Variants in DLG2 observed in about 807,000 individuals in gnomAD.
DLG2 encodes disks large homolog 2.
In DLG2, 45 loss-of-function variants were observed where a neutral mutation model predicts 132.5. The observed-to-expected ratio is 0.34, with a 90% CI of 0.27 to 0.44. The LOEUF is 0.44. Ranked by LOEUF, DLG2 falls within the 20% of genes least tolerant of loss-of-function variation. The pLI, the probability that DLG2 is intolerant of heterozygous loss-of-function variation, is 1.00. For missense variants in DLG2, 1,045 were observed against 1,196.9 expected (o/e 0.87, Z 1.87); for synonymous variants, 424 against 419.6 (o/e 1.01, Z -0.13).
At chr11:83,546,332 G>A (rs897003590) in intron 19 of DLG2, among the ~76,000 whole-genome samples, 95 of 152,108 alleles carry the variant, frequency 6.2e-4, no homozygotes, top group African/African-American at 2.2e-3. Flanking sequence ...AGACAGAGGA[G>A]AGCTGGGTTT....
chr11:85,060,667 A>C (rs982228368), intron 6 of DLG2, among the ~76,000 whole-genome samples: 2 of 151,758 alleles, frequency 1.3e-5, no homozygotes, highest in Admixed American at 6.6e-5. Flanking sequence ...TTTAAGATCC[A>C]CATTTCAAAT....
chr11:84,399,311 T>C (rs1373319218), intron 7 of DLG2, among the ~76,000 whole-genome samples: 1 of 152,200 alleles, frequency 6.6e-6, no homozygotes, highest in African/African-American at 2.4e-5. Context: ...TAGCCCTTTG[T>C]AGACACTTTC....
chr11:85,287,257 T>C (rs137886193), intron 3 of DLG2, among the ~76,000 whole-genome samples: 1 of 152,130 alleles, frequency 6.6e-6, no homozygotes, highest in African/African-American at 2.4e-5. Flanking sequence ...TGAAAGAAGA[T>C]AATTTCACAG....
chr11:84,529,599 T>C (rs2099330371), intron 7 of DLG2, among the ~76,000 whole-genome samples: 1 of 151,994 alleles, frequency 6.6e-6, no homozygotes. Flanking sequence ...AGGTAAAAGA[T>C]CTCTACAACA....
At chr11:85,468,192 T>G (rs1339681909) in intron 3 of DLG2, among the ~76,000 whole-genome samples, 2 of 152,148 alleles carry the variant, frequency 1.3e-5, no homozygotes, top group Non-Finnish European at 2.9e-5. Context: ...TCTATTTGAT[T>G]CTTCTCTCCT....
chr11:85,379,891 G>C (rs1411009598), intron 3 of DLG2, among the ~76,000 whole-genome samples: 1 of 151,984 alleles, frequency 6.6e-6, no homozygotes, highest in African/African-American at 2.4e-5. Flanking sequence ...TTCACTAGCT[G>C]TTTCTCTTTT....
rs565175843 is a variant in DLG2, at chr11:83,775,964, A to C, written c.1825+10726T>G. On this transcript the variant is annotated intron_variant, in intron 18 of 27. Coordinates refer to ENST00000376104, the MANE Select transcript of DLG2 (RefSeq NM_001142699.3). ...AAAATTAGCCAGGTGTGGTGGCAGG[A>C]GCCTGTAGTCCCAGCTACTCGGGAG... 1.1e-3 allele frequency among the ~76,000 whole-genome samples: 162 copies of C among 152,120 alleles called. 4 individuals carry two copies. The East Asian group carries it at 0.028, about 26-fold the overall frequency.
At chr11:83,466,107 T>G (rs1182342991) in intron 26 of DLG2, among the ~76,000 whole-genome samples, 2 of 152,188 alleles carry the variant, frequency 1.3e-5, no homozygotes, top group Non-Finnish European at 2.9e-5. Context: ...GTTACAGATG[T>G]TTTACTGCCA....
chr11:85,297,386 TTCTC>T (rs1157187648), intron 3 of DLG2, among the ~76,000 whole-genome samples: 1 of 152,012 alleles, frequency 6.6e-6, no homozygotes, highest in Non-Finnish European at 1.5e-5. Flanking sequence ...AGCTTTGTAG[TTCTC>T]TCTTAGACTG....
intron 6 of DLG2, among the ~76,000 whole-genome samples, chr11:84,768,675 T>C (rs1214650918): frequency 1.3e-5 from 2 of 152,022 alleles, no homozygotes; most frequent in African/African-American, 2.4e-5. Flanking sequence ...AGTAGGCATA[T>C]CTATAAACCC....
chr11:84,539,530 T>C (rs911186871), intron 6 of DLG2, among the ~76,000 whole-genome samples: 1 of 152,202 alleles, frequency 6.6e-6, no homozygotes, highest in Non-Finnish European at 1.5e-5. Context: ...TGTGCTTTCT[T>C]CTTTTTCTCT....
chr11:85,619,758 C>A (rs1408341480), intron 2 of DLG2, among the ~76,000 whole-genome samples: 1 of 151,892 alleles, frequency 6.6e-6, no homozygotes, highest in East Asian at 1.9e-4. Context: ...CGCCTGAACC[C>A]AGGAGGTGGA....
intron 18 of DLG2, among the ~76,000 whole-genome samples, chr11:83,690,309 T>C (rs1011498837): frequency 2.0e-5 from 3 of 151,316 alleles, no homozygotes; most frequent in Non-Finnish European, 4.4e-5. Flanking sequence ...ATCTAGGAAT[T>C]GAAGAAGCAA....
intron 18 of DLG2, among the ~76,000 whole-genome samples, chr11:83,634,636 A>G (rs957162731): frequency 2.0e-5 from 3 of 152,204 alleles, no homozygotes; most frequent in Non-Finnish European, 4.4e-5. Context: ...GGATGAATGT[A>G]TACAATAAAA....
At chr11:85,380,485 C>A (rs1199996534) in intron 3 of DLG2, among the ~76,000 whole-genome samples, 3 of 152,126 alleles carry the variant, frequency 2.0e-5, no homozygotes, top group Non-Finnish European at 2.9e-5. Flanking sequence ...CATGGAGAAA[C>A]CCTGTCTCTA....
intron 6 of DLG2, among the ~76,000 whole-genome samples, chr11:84,589,020 C>T (rs1418258612): frequency 6.6e-6 from 1 of 152,062 alleles, no homozygotes; most frequent in African/African-American, 2.4e-5. Context: ...GTGAGGAAAC[C>T]CCTGACCCAA....
In DLG2 at chr11:83,753,875, GATATATATC is replaced by G. The variant is rs1284563664; in HGVS notation, c.1825+32806_1825+32814del. 2.7e-3 allele frequency among the ~76,000 whole-genome samples: 39 copies of G among 14,420 alleles called. 3 individuals are homozygous for G. The highest frequency in any genetic ancestry group is 0.013 in the African/African-American group (28 of 2,084). The allele number at this position is 14,420 out of a possible 152,430, so 9.5% of individuals were successfully genotyped here. ...TATCATATATATATTTCATATATATGATATATATCATATATATCATATATATATTTCATA... is the reference window on the plus strand; with the variant it reads ...TATCATATATATATTTCATATATATGATATATATCATATATATATTTCATA... On this transcript the variant is annotated intron_variant, in intron 18 of 27. Transcript: ENST00000376104.
chr11:85,513,565 A>G (rs1253338612), intron 3 of DLG2, among the ~76,000 whole-genome samples: 1 of 151,958 alleles, frequency 6.6e-6, no homozygotes. Context: ...AGTATCTTCA[A>G]TGAGCACTTA....
intron 11 of DLG2, among the ~76,000 whole-genome samples, chr11:84,053,239 A>T (rs982395552): frequency 6.6e-6 from 1 of 151,946 alleles, no homozygotes; most frequent in Non-Finnish European, 1.5e-5. Context: ...ACATGGAAGG[A>T]AACAACACAC....
Sources: allele counts gnomAD v4.1 joint callset (sites outside exome capture counted in the v4.1 genomes callset), GRCh38; gene constraint gnomAD v4.1.1; transcripts MANE v1.5; gene names NCBI Gene and HGNC (gene_info 2026-07-23, HGNC 2026-07-21).